GOSR2: variants seen among roughly 807,000 people sequenced by gnomAD.
The protein encoded by GOSR2 is 27 kDa Golgi SNARE protein.
GOSR2 carries 20 observed loss-of-function variants against 27.9 expected under a neutral mutation model. The observed-to-expected ratio is 0.72, with a 90% confidence interval of 0.50 to 1.04. The LOEUF (loss-of-function observed/expected upper bound fraction) is 1.04. Among genes scored for constraint, GOSR2 ranks in the 50% least tolerant of loss-of-function variants. The probability of loss-of-function intolerance (pLI) is 0.00; values close to 1 mark genes in which losing one functional copy is unlikely to be tolerated. For synonymous variants in GOSR2, 91 were observed against 98.8 expected, an observed-to-expected ratio of 0.92 and a Z score of 0.47; for missense variants, 261 against 270.5, an observed-to-expected ratio of 0.97 and a Z score of 0.25.
At chr17:46,935,590 A>T in intron 5 of GOSR2, 1 of 1,080,950 alleles carries the variant, frequency 9.3e-7, no homozygotes, top group Non-Finnish European at 1.1e-6. Context: ...TATAACTAAA[A>T]CCTTTTGTAT....
At position 46,939,437 on chromosome 17, in the gene GOSR2, A is replaced by T. The variant is rs2088948515; in HGVS notation, c.*677A>T. ...AGTGAGGCCAGTGTTATTTCCCGGG[A>T]GTGTTCAGTCTTGACCCTAGTCACT... On this transcript the variant is annotated 3_prime_UTR_variant, in exon 6 of 6. Coordinates refer to ENST00000640051, the MANE Select transcript of GOSR2 (RefSeq NM_004287.5). 1.0e-6 allele frequency: 1 copy of T among 992,064 alleles called. No individual in the cohort carries two copies. Among genetic ancestry groups the T allele is most frequent in the African/African-American group, 1.7e-5 (1 of 57,282 alleles). The allele number at this position is 992,064 out of a possible 1,614,324, so 61.5% of individuals were successfully genotyped here.
intron 4 of GOSR2, chr17:46,933,214 CGT>C (rs1297162811): frequency 6.6e-6 from 1 of 152,238 alleles, no homozygotes; most frequent in Non-Finnish European, 1.5e-5. Context: ...GCCAGCCTGG[CGT>C]GATGCTGTGC....
At chr17:46,936,864 T>A (rs1193877730) in intron 5 of GOSR2, 6 of 980,234 alleles carry the variant, frequency 6.1e-6, no homozygotes, top group East Asian at 2.3e-4. Context: ...GCTTCTTAAT[T>A]GCTTTCTGGG....
Position 46,938,521 on chromosome 17 carries a change from C to G in GOSR2, c.478-78C>G, listed in dbSNP as rs888909657. The G allele has an allele frequency of 3.1e-6, 5 of 1,605,948 alleles. No individual in the cohort carries two copies. In the African/African-American group the frequency reaches 6.7e-5, roughly 21 times the overall value. ...CAAGAGAATGTCTGTTGGCAAAGCT[C>G]CATCTCCTGATGCCATTCACCCACT... On this transcript the variant is annotated intron_variant, in intron 5 of 5. Coordinates refer to ENST00000640051, the MANE Select transcript of GOSR2 (RefSeq NM_004287.5).
chr17:46,946,305 AAAG>A (rs369155879), downstream of GOSR2, among the ~76,000 whole-genome samples: 1,670 of 146,664 alleles, frequency 0.011, 20 homozygotes, highest in Non-Finnish European at 0.019. Flanking sequence ...AAAAAAAAGA[AAAG>A]AAAAATGCCA....
intron 1 of GOSR2, 120 bp from the exon 2 acceptor site, chr17:46,929,400 A>T (rs1187204918): frequency 1.4e-6 from 1 of 713,416 alleles, no homozygotes; most frequent in Non-Finnish European, 2.6e-6. Context: ...CAAATTTTAC[A>T]GTTCAGTGAT....
chr17:46,929,367 C>T (rs1016060476), intron 1 of GOSR2, among the ~76,000 whole-genome samples, 153 bp from the exon 2 acceptor site: 2 of 152,192 alleles, frequency 1.3e-5, no homozygotes, highest in African/African-American at 2.4e-5. Flanking sequence ...CATGCCAAAA[C>T]GTGGGACCTA....
intron 6 of GOSR2, among the ~76,000 whole-genome samples, chr17:46,952,153 A>G (rs992674887): frequency 2.0e-5 from 3 of 152,184 alleles, no homozygotes; most frequent in African/African-American, 4.8e-5. Context: ...TCTACCCAGC[A>G]TCTCGTCTTT....
chr17:46,937,348 T>G (rs1456688323), intron 5 of GOSR2: 1 of 152,224 alleles, frequency 6.6e-6, no homozygotes, highest in Non-Finnish European at 1.5e-5. Flanking sequence ...TAGGTTGGTA[T>G]CAATGATTAT....
Position 46,923,741 on chromosome 17 carries a change from A to G in GOSR2, c.29+520A>G, listed in dbSNP as rs183750917. 1.4e-3 allele frequency: 634 copies of G among 440,558 alleles called. 3 individuals carry two copies. Among genetic ancestry groups the G allele is most frequent in the Middle Eastern group, 4.8e-3 (8 of 1,666 alleles). The allele number at this position is 440,558 out of a possible 1,614,324, so 27.3% of individuals were successfully genotyped here. Reference sequence around the variant, plus strand: ...TAGCATTCACTATTATTACTTGTTAATCGTATCTGGTTACAGGTTATCGCT... The same window carrying G: ...TAGCATTCACTATTATTACTTGTTAGTCGTATCTGGTTACAGGTTATCGCT... On this transcript the variant is annotated intron_variant, in intron 1 of 5. Coordinates refer to ENST00000640051, the MANE Select transcript of GOSR2 (RefSeq NM_004287.5).
chr17:46,975,745 C>A (rs2091440996), downstream of GOSR2, among the ~76,000 whole-genome samples: 1 of 152,194 alleles, frequency 6.6e-6, no homozygotes, highest in African/African-American at 2.4e-5. Context: ...GACCCAAACA[C>A]ACGTTAGTAC....
chr17:46,943,409 G>T (rs923641050), downstream of GOSR2, among the ~76,000 whole-genome samples: 54 of 152,130 alleles, frequency 3.5e-4, no homozygotes, highest in Admixed American at 1.3e-4. Flanking sequence ...TGGACTGCTT[G>T]GTCTTCTCAG....
chr17:46,966,600 C>A lies in GOSR2; in HGVS notation c.650C>A (p.Ser217Ter). The change falls in exon 7 of 7, where the codon TCA becomes TAA. Residue 217 changes from serine (S) to a stop codon, truncating the protein, a stop_gained. Coordinates refer to the GOSR2 transcript ENST00000573224. LOFTEE classifies it high-confidence loss of function. ...CTGAGCTCAAGAGATCCTCCTGCAT[C>A]AGCCTCCCGAAGTGCTGGGATTATA... is the stretch of plus-strand genomic sequence containing the variant. 1.5e-6 allele frequency: 1 copy of A among 688,512 alleles called. No homozygotes were observed. Among genetic ancestry groups the A allele is most frequent in the Non-Finnish European group, 2.7e-6 (1 of 376,804 alleles). 42.7% of individuals were successfully genotyped at this position (688,512 alleles called of 1,614,324 possible).
chr17:46,935,690 G>A, intron 5 of GOSR2: 2 of 989,580 alleles, frequency 2.0e-6, no homozygotes, highest in South Asian at 9.3e-5. Context: ...AGCTTCTAAA[G>A]CCCGTGCTGG....
intron 4 of GOSR2, chr17:46,932,516 G>A: frequency 1.7e-6 from 1 of 576,158 alleles, no homozygotes. Flanking sequence ...TGATCAGATA[G>A]AGACAGATGA....
intron 6 of GOSR2, among the ~76,000 whole-genome samples, chr17:46,965,468 C>T (rs1035642828): frequency 1.3e-5 from 2 of 152,136 alleles, no homozygotes; most frequent in Non-Finnish European, 2.9e-5. Flanking sequence ...CACCCTGGAG[C>T]AGTTCCCAGC....
Position 46,941,385 on chromosome 17 carries a change from C to G in GOSR2, c.*2625C>G, listed in dbSNP as rs528859500. 8 of 980,634 alleles carry G rather than the reference C, an allele frequency of 8.2e-6. No homozygotes were observed. The highest frequency in any genetic ancestry group is 1.8e-5 in the African/African-American group (1 of 57,100). 60.7% of individuals were successfully genotyped at this position (980,634 alleles called of 1,614,324 possible). On this transcript the variant is annotated 3_prime_UTR_variant, in exon 6 of 6. Transcript: ENST00000640051. The stretch of plus-strand genomic sequence containing the variant: ...GAAAATCACATTTTGTAAAAGAATT[C>G]GATATTCATTTTTATAACTAATGGC...
chr17:46,936,381 A>G (rs963452838), intron 5 of GOSR2: 17 of 985,286 alleles, frequency 1.7e-5, no homozygotes, highest in Non-Finnish European at 1.9e-5. Context: ...GCGCTGGGGC[A>G]TCAGCACACC....
chr17:46,948,943 C>G (rs999215449), intron 6 of GOSR2: 7 of 152,226 alleles, frequency 4.6e-5, no homozygotes, highest in African/African-American at 1.2e-4. Context: ...CTTTCGATAG[C>G]TACGAACTGA....
Sources: allele counts gnomAD v4.1 joint callset (sites outside exome capture counted in the v4.1 genomes callset), GRCh38; gene constraint gnomAD v4.1.1; transcripts MANE v1.5; gene names NCBI Gene and HGNC (gene_info 2026-07-23, HGNC 2026-07-21).